The following HIP1R variants were observed in gnomAD, a reference collection of about 807,000 sequenced individuals.
HIP1R encodes the protein huntingtin-interacting protein 1-related protein.
Under a neutral mutation model 144.2 loss-of-function variants are expected in HIP1R, and 135 were observed. The ratio of observed to expected loss-of-function variants is 0.94; its 90% CI spans 0.81 to 1.08. The LOEUF is 1.08. Ranked by LOEUF, HIP1R falls within the 50% of genes least tolerant of loss-of-function variation. The pLI, the probability that HIP1R is intolerant of heterozygous loss-of-function variation, is 0.00. For missense variants in HIP1R, 1,462 were observed against 1,432.8 expected, an observed-to-expected ratio of 1.02 and a Z score of -0.33; for synonymous variants, 698 against 612.8, an observed-to-expected ratio of 1.14 and a Z score of -2.05.
chr12:122,858,357 G>A lies in HIP1R; in HGVS notation c.1972G>A (p.Val658Met). The A allele has an allele frequency of 6.2e-7, 1 of 1,609,794 alleles. No homozygotes were observed. Among genetic ancestry groups the A allele is most frequent in the Non-Finnish European group, 8.5e-7 (1 of 1,177,654 alleles). Residue 658 changes from valine to methionine, a missense_variant, in exon 20 of 32, where the codon GTG becomes ATG. Val to Met is a conservative substitution (Grantham distance 21, BLOSUM62 1). Transcript: ENST00000253083. ...LRCTSSPDYL[V>M]SRAQEALDAV... ...TCTCCTCGTGCTTGCAGACTACCTG[G>A]TGAGCAGGGCCCAGGAGGCCTTGGA...
At position 122,857,182 on chromosome 12, in the gene HIP1R, G is replaced by A; in HGVS notation, c.1782G>A (p.Glu594=). 3 of 1,550,482 alleles carry A rather than the reference G, an allele frequency of 1.9e-6. No individual in the cohort carries two copies. The highest frequency in any genetic ancestry group is 2.6e-6 in the Non-Finnish European group (3 of 1,146,874). The change falls in exon 18 of 32, where the codon GAG becomes GAA. Residue 594 remains glutamate, a synonymous_variant. Transcript: ENST00000253083. The part of the protein sequence containing the change: ...LSREQQRSSQ[E]QGELQGRLAE... ...GGGAGCAGCAGCGCAGCTCCCAGGA[G>A]CAGGGCGAGTTGCAGGGCCGGCTGG...
At position 122,859,452 on chromosome 12, in the gene HIP1R, G is replaced by A. The variant is rs537557277; in HGVS notation, c.2322G>A (p.Val774=). ...GQELKPKSLD[V]RQEELGAVVD... is the part of the protein sequence containing the mutation. ...AACTGAAACCCAAGAGCCTAGATGT[G>A]CGGCAGGAGGAGCTGGGGGCCGTGG... Residue 774 remains valine, a synonymous_variant, in exon 23 of 32, where the codon GTG becomes GTA. Coordinates refer to ENST00000253083, the MANE Select transcript of HIP1R (RefSeq NM_003959.3). The A allele has an allele frequency of 6.2e-6, 10 of 1,613,356 alleles. No homozygotes were observed. Among genetic ancestry groups the A allele is most frequent in the East Asian group, 2.2e-5 (1 of 44,880 alleles).
chr12:122,859,577 C>CT, intron 23 of HIP1R, 41 bp downstream of exon 23: 1 of 1,525,204 alleles, frequency 6.6e-7, no homozygotes, highest in South Asian at 1.2e-5. Context: ...TCCTGTGGAG[C>CT]TTTGGGGGCC....
chr12:122,861,758 C>T lies in HIP1R; in HGVS notation c.*5C>T, dbSNP rs1306628396. 1.9e-6 allele frequency: 3 copies of T among 1,613,942 alleles called. No homozygotes were observed. The highest frequency in any genetic ancestry group is 1.3e-5 in the African/African-American group (1 of 75,072). ...GCTCAACTCGTGAACTACTAGGCCC[C>T]CCAGGGGTCCAGCAGGGTGGCTGGT... On this transcript the variant is annotated 3_prime_UTR_variant, in exon 32 of 32. Transcript: ENST00000253083.
rs1001255085 is a variant in HIP1R, at chr12:122,861,326, G to A, written c.2971G>A (p.Glu991Lys). Residue 991 changes from glutamate to lysine, a missense_variant, in exon 31 of 32, where the codon GAG (glutamate) becomes AAG (lysine). By Grantham distance (56) the Glu-to-Lys change is moderately conservative. Around this residue, in one of 2 missense-constraint regions of HIP1R, gnomAD observed 1,112 missense variants for 1,011.7 expected, o/e 1.10. Transcript: ENST00000253083. Reference sequence around the variant, plus strand: ...GCTACAGGTGCGTGTCCTGGAGCTGGAGAAGACGCTGGAGGCTGAACGCAT... The same window carrying A: ...GCTACAGGTGCGTGTCCTGGAGCTGAAGAAGACGCTGGAGGCTGAACGCAT... Reference protein sequence around the residue: ...METQVRVLELEKTLEAERMRL... With the variant: ...METQVRVLELKKTLEAERMRL... 6.2e-7 allele frequency: 1 copy of A among 1,613,804 alleles called. No homozygotes were observed. Among genetic ancestry groups the A allele is most frequent in the Non-Finnish European group, 8.5e-7 (1 of 1,179,974 alleles).
In HIP1R at chr12:122,856,135, G is replaced by C; in HGVS notation, c.1284G>C (p.Arg428=). Reference sequence around the variant, plus strand: ...GGGCTGCCCAGCTGGAGGGCGAGCGGAGCCAGGGCCTGCGTGAGGAGGCTG... The same window carrying C: ...GGGCTGCCCAGCTGGAGGGCGAGCGCAGCCAGGGCCTGCGTGAGGAGGCTG... ...QLRAAQLEGE[R]SQGLREEAER... is the part of the protein sequence containing the mutation. The change falls in exon 14 of 32, where the codon CGG becomes CGC. Residue 428 remains arginine (R), a synonymous_variant. Transcript: ENST00000253083. 6.3e-7 allele frequency: 1 copy of C among 1,593,488 alleles called. No homozygotes were observed. Among genetic ancestry groups the C allele is most frequent in the Non-Finnish European group, 8.5e-7 (1 of 1,170,534 alleles).
In HIP1R at chr12:122,861,497, CCCAGACAGGACCA is replaced by C; in HGVS notation, c.3147_3159del (p.Arg1049SerfsTer14). 1 of 1,611,840 alleles carries C rather than the reference CCCAGACAGGACCA, an allele frequency of 6.2e-7. No homozygotes were observed. Among genetic ancestry groups the C allele is most frequent in the East Asian group, 2.2e-5 (1 of 44,810 alleles). ...CCTGGCCCAGAAGCCCAGCGTGGCC[CCCAGACAGGACCA>C]CCAGGTGCCGTCTGCACTGGGATGG... On this transcript the variant is annotated frameshift_variant, in exon 31 of 32. Coordinates refer to ENST00000253083, the MANE Select transcript of HIP1R (RefSeq NM_003959.3). LOFTEE classifies it high-confidence loss of function.
Position 122,855,961 on chromosome 12 carries a change from G to A in HIP1R, c.1129-19G>A, listed in dbSNP as rs200043575. 6.1e-5 allele frequency: 96 copies of A among 1,575,440 alleles called. No homozygotes were observed. The highest frequency in any genetic ancestry group is 2.0e-4 in the African/African-American group (15 of 74,248). On this transcript the variant is annotated intron_variant, in intron 13 of 31. Transcript: ENST00000253083. ...CCTCACGGCCCAGGCAGGGCCCCAC[G>A]TCACACCTCCTCCCGCAGGCCCAGC...
chr12:122,846,062 A>C (rs189607967), intron 1 of HIP1R, among the ~76,000 whole-genome samples: 1 of 152,292 alleles, frequency 6.6e-6, no homozygotes, highest in East Asian at 1.9e-4. Flanking sequence ...AATCTTCCGA[A>C]CCAGGTGGCA....
chr12:122,856,371 G>C, intron 15 of HIP1R, 27 bp downstream of exon 15: 1 of 1,612,884 alleles, frequency 6.2e-7, no homozygotes, highest in Non-Finnish European at 8.5e-7. Flanking sequence ...CTCCATCCCA[G>C]CCGGTGGCAG....
intron 18 of HIP1R, 184 bp downstream of exon 18, chr12:122,857,399 G>A: frequency 1.6e-6 from 1 of 643,984 alleles, no homozygotes; most frequent in South Asian, 1.8e-5. Flanking sequence ...CATAGCCTGT[G>A]TCATTACCTC....
Position 122,851,316 on chromosome 12 carries a change from A to T in HIP1R, c.577+19A>T, listed in dbSNP as rs373689398. The T allele has an allele frequency of 1.8e-4, 272 of 1,530,324 alleles. No individual in the cohort carries two copies. The highest frequency in any genetic ancestry group is 2.3e-4 in the Non-Finnish European group (263 of 1,147,412). The allele number at this position is 1,530,324 out of a possible 1,614,324, so 94.8% of individuals were successfully genotyped here. On this transcript the variant is annotated intron_variant, in intron 7 of 31. Transcript: ENST00000253083. The stretch of plus-strand genomic sequence containing the variant: ...GAATCAGGTGAGCCGTAAAGAGGGG[A>T]TGCGGGGGTCTGAGTGTATTGCTAA...
intron 18 of HIP1R, 58 bp from the exon 19 acceptor site, chr12:122,858,044 G>A: frequency 1.4e-6 from 2 of 1,474,204 alleles, no homozygotes; most frequent in East Asian, 2.3e-5. Flanking sequence ...CCAGGGCTGG[G>A]GCACATCCTT....
At chr12:122,835,353 C>G, upstream of HIP1R, 3 of 902,586 alleles carry the variant, frequency 3.3e-6, no homozygotes, top group Non-Finnish European at 3.8e-6. Context: ...GAGGCGTTTG[C>G]GGGCGCGGGG....
chr12:122,854,079 A>T lies in HIP1R; in HGVS notation c.614A>T (p.Gln205Leu), dbSNP rs1036982911. ...RQLNTAIAVS[Q>L]MSSGQCRLAP... is the part of the protein sequence containing the mutation. The stretch of plus-strand genomic sequence containing the variant: ...CTCAACACGGCCATCGCCGTATCCC[A>T]GATGTCCTCAGGCCAGTGCCGCCTG... The change falls in exon 8 of 32, where the codon CAG becomes CTG. Residue 205 changes from glutamine (Q) to leucine (L), a missense_variant. Around this residue, in one of 2 missense-constraint regions of HIP1R, gnomAD observed 350 missense variants for 421.1 expected, o/e 0.83. Transcript: ENST00000253083. The T allele has an allele frequency of 1.1e-5, 17 of 1,613,704 alleles. No homozygotes were observed. Among genetic ancestry groups the T allele is most frequent in the Non-Finnish European group, 1.4e-5 (17 of 1,179,920 alleles).
chr12:122,835,427 T>A (rs973178456), upstream of HIP1R: 5 of 1,120,182 alleles, frequency 4.5e-6, no homozygotes, highest in Non-Finnish European at 4.4e-6. Context: ...CGAGGCGGGC[T>A]CCTCCCCGGC....
rs771935175 is a variant in HIP1R, at chr12:122,854,999, G to T, written c.776+37G>T. On this transcript the variant is annotated intron_variant, in intron 9 of 31. Coordinates refer to ENST00000253083, the MANE Select transcript of HIP1R (RefSeq NM_003959.3). ...GACAGGGACAGGATTGAGGCCGGTG[G>T]GGGAGAGGCTCCGTGGCCCCTTCCT... The T allele has an allele frequency of 5.6e-6, 9 of 1,613,382 alleles. No homozygotes were observed. The African/African-American group carries it at 1.1e-4, about 19-fold the overall frequency.
In HIP1R at chr12:122,860,411, C is replaced by G; in HGVS notation, c.2560-12C>G. 1 of 1,612,862 alleles carries G rather than the reference C, an allele frequency of 6.2e-7. No individual in the cohort carries two copies. Among genetic ancestry groups the G allele is most frequent in the Non-Finnish European group, 8.5e-7 (1 of 1,179,632 alleles). On this transcript the variant is annotated splice_polypyrimidine_tract_variant and intron_variant, in intron 26 of 31. Transcript: ENST00000253083. ...ACTGGCATGTCCTGCCCTGTTCTCC[C>G]GTCGCCACTAGGGGGCAGCCACGCA... is the stretch of plus-strand genomic sequence containing the variant.
Position 122,858,961 on chromosome 12 carries a change from G to T in HIP1R, c.2158+16G>T. On this transcript the variant is annotated intron_variant, in intron 21 of 31. Coordinates refer to ENST00000253083, the MANE Select transcript of HIP1R (RefSeq NM_003959.3). ...CCTGCCGACCGTAAGTGGGTCCTGG[G>T]ATGGCAGGTTCTGTCCACCTCACTG... 2 of 1,612,500 alleles carry T rather than the reference G, an allele frequency of 1.2e-6. No individual in the cohort carries two copies. The highest frequency in any genetic ancestry group is 1.7e-6 in the Non-Finnish European group (2 of 1,179,418).
Sources: allele counts gnomAD v4.1 joint callset (sites outside exome capture counted in the v4.1 genomes callset), GRCh38; gene constraint gnomAD v4.1.1; regional missense constraint gnomAD v4.1.1; transcripts MANE v1.5; gene names NCBI Gene and HGNC (gene_info 2026-07-23, HGNC 2026-07-21).